The following CD8B2 variants were observed in gnomAD, a reference collection of about 807,000 sequenced individuals.
CD8B2 encodes the protein T-cell surface glycoprotein CD8 beta-2 chain.
A neutral mutation model predicts 23.7 loss-of-function variants in CD8B2; 11 were observed. The observed-to-expected ratio is 0.46, with a 90% CI of 0.29 to 0.77. The LOEUF (loss-of-function observed/expected upper bound fraction) is 0.77. Ranked by LOEUF, CD8B2 falls within the 30% of genes least tolerant of loss-of-function variation. CD8B2 has a pLI of 0.09. For missense variants in CD8B2, 197 were observed against 270.5 expected (o/e 0.73, Z 1.91); for synonymous variants, 90 against 109.3 (o/e 0.82, Z 1.10).
chr2:106,518,331 A>C (rs984637208), intron 5 of CD8B2, among the ~76,000 whole-genome samples: 1 of 152,200 alleles, frequency 6.6e-6, no homozygotes, highest in Non-Finnish European at 1.5e-5. Flanking sequence ...TGAGAATTGC[A>C]CAGTAGGTAG....
chr2:106,504,929 T>G (rs1679476714), intron 5 of CD8B2, among the ~76,000 whole-genome samples: 1 of 152,206 alleles, frequency 6.6e-6, no homozygotes, highest in South Asian at 2.1e-4. Flanking sequence ...GGAGCTGCCT[T>G]TGTCCCACCT....
chr2:106,528,784 A>T (rs1269215010), intron 5 of CD8B2, among the ~76,000 whole-genome samples: 1 of 152,192 alleles, frequency 6.6e-6, no homozygotes, highest in Non-Finnish European at 1.5e-5. Flanking sequence ...AGCATCTTGG[A>T]AGGCATTGGA....
intron 5 of CD8B2, among the ~76,000 whole-genome samples, chr2:106,525,633 C>T (rs1009864598): frequency 6.6e-6 from 1 of 152,132 alleles, no homozygotes; most frequent in African/African-American, 2.4e-5. Context: ...CTTTCCATCC[C>T]CTCCTCTCCC....
chr2:106,487,977 G>A (rs924355015), intron 1 of CD8B2, among the ~76,000 whole-genome samples: 1 of 152,142 alleles, frequency 6.6e-6, no homozygotes, highest in African/African-American at 2.4e-5. Context: ...CGTTCTCCCT[G>A]ATGTGGCTGG....
chr2:106,514,752 T>TCGTG (rs10654321), downstream of CD8B2, among the ~76,000 whole-genome samples: 1,172 of 145,496 alleles, frequency 8.1e-3, 9 homozygotes, highest in Non-Finnish European at 0.011. Flanking sequence ...GTTAAGACTT[T>TCGTG]TGTGTGTGTG....
Position 106,525,515 on chromosome 2 carries a change from C to A in CD8B2, c.621-18477C>A, listed in dbSNP as rs140895687. 2.2e-4 allele frequency among the ~76,000 whole-genome samples: 33 copies of A among 152,278 alleles called. 2 individuals are homozygous for A. The highest frequency in any genetic ancestry group is 7.2e-4 in the African/African-American group (30 of 41,560). Reference sequence around the variant, plus strand: ...TTTAAGCATTTTAAAGTGAACAGTTCATGGCATTTAGTGCAGTGATAGACT... The same window carrying A: ...TTTAAGCATTTTAAAGTGAACAGTTAATGGCATTTAGTGCAGTGATAGACT... On this transcript the variant is annotated intron_variant, in intron 5 of 5. Transcript: ENST00000416057.
chr2:106,502,741 A>G (rs1403118735), intron 4 of CD8B2, among the ~76,000 whole-genome samples, 178 bp downstream of exon 4: 1 of 152,018 alleles, frequency 6.6e-6, no homozygotes, highest in African/African-American at 2.4e-5. Flanking sequence ...AAAACCAAAG[A>G]CCACCCTGTC....
intron 5 of CD8B2, among the ~76,000 whole-genome samples, chr2:106,517,325 G>A (rs76336892): frequency 0.14 from 22,000 of 152,000 alleles, 1,879 homozygotes; most frequent in South Asian, 0.22. Flanking sequence ...TCAAGTTACA[G>A]ACTAAAGGCT....
chr2:106,523,311 G>A (rs1488835172), intron 5 of CD8B2, among the ~76,000 whole-genome samples: 1 of 152,104 alleles, frequency 6.6e-6, no homozygotes, highest in Admixed American at 6.5e-5. Context: ...TCCTCTTTGA[G>A]CCCCAAGTTT....
At chr2:106,534,122 G>A (rs969999649) in intron 5 of CD8B2, among the ~76,000 whole-genome samples, 1 of 152,248 alleles carries the variant, frequency 6.6e-6, no homozygotes, top group Non-Finnish European at 1.5e-5. Context: ...GGCCTGGGCA[G>A]TGGGTCTCCC....
intron 5 of CD8B2, among the ~76,000 whole-genome samples, chr2:106,541,871 A>C (rs1680179143): frequency 6.6e-6 from 1 of 152,198 alleles, no homozygotes. Context: ...AATCTGCCCT[A>C]TCTTGGCAGA....
At chr2:106,523,388 CA>C (rs377617745) in intron 5 of CD8B2, among the ~76,000 whole-genome samples, 92 of 152,268 alleles carry the variant, frequency 6.0e-4, no homozygotes, top group African/African-American at 2.1e-3. Context: ...CTTGCTCTAG[CA>C]GGGGGGGTCA....
intron 3 of CD8B2, among the ~76,000 whole-genome samples, chr2:106,497,780 C>T (rs1679327198): frequency 6.6e-6 from 1 of 152,074 alleles, no homozygotes; most frequent in Non-Finnish European, 1.5e-5. Flanking sequence ...TTACAAAGTC[C>T]CATGCCCTGA....
intron 5 of CD8B2, among the ~76,000 whole-genome samples, chr2:106,535,636 C>T (rs1352717663): frequency 6.6e-6 from 1 of 152,146 alleles, no homozygotes; most frequent in Non-Finnish European, 1.5e-5. Flanking sequence ...ATACATCTTA[C>T]CCAGTTGCAT....
At chr2:106,519,443 G>A (rs1193629863) in intron 5 of CD8B2, among the ~76,000 whole-genome samples, 2 of 152,334 alleles carry the variant, frequency 1.3e-5, no homozygotes, top group African/African-American at 2.4e-5. Context: ...CACTGAACCA[G>A]GCCCTGTATT....
In CD8B2 at chr2:106,490,908, T is replaced by C. The variant is rs1202935009; in HGVS notation, c.78T>C (p.Pro26=). The C allele has an allele frequency of 1.8e-5, 29 of 1,601,204 alleles. No homozygotes were observed. Among genetic ancestry groups the C allele is most frequent in the Non-Finnish European group, 2.2e-5 (26 of 1,173,758 alleles). The change falls in exon 2 of 6, where the codon CCT becomes CCC. Residue 26 remains proline, a synonymous_variant. Coordinates refer to ENST00000643224, the MANE Select transcript of CD8B2 (RefSeq NM_001349727.2). The part of the protein sequence containing the change: ...LHGNSVLQQT[P]AYIKVQTNKM... Reference sequence around the variant, plus strand: ...GCAACTCAGTCCTCCAGCAGACCCCTGCATACATAAAGGTGCAAACCAACA... The same window carrying C: ...GCAACTCAGTCCTCCAGCAGACCCCCGCATACATAAAGGTGCAAACCAACA...
At position 106,509,099 on chromosome 2, in the gene CD8B2, T is replaced by G. The variant is rs1440965108; in HGVS notation, c.*2159T>G. 1 of 152,026 alleles carries G rather than the reference T, an allele frequency of 6.6e-6. No individual in the cohort carries two copies. The highest frequency in any genetic ancestry group is 2.4e-5 in the African/African-American group (1 of 41,372). 9.4% of individuals were successfully genotyped at this position (152,026 alleles called of 1,614,324 possible). A position where few individuals can be genotyped will look rare whatever the true frequency, so the allele number is the denominator to read the frequency against. ...CAGGTGTTTTCCATTTGATCCAGCT[T>G]TGAGAAGTCAGCACAAATTGGCCTC... On this transcript the variant is annotated 3_prime_UTR_variant, in exon 6 of 6. Coordinates refer to ENST00000643224, the MANE Select transcript of CD8B2 (RefSeq NM_001349727.2).
intron 5 of CD8B2, among the ~76,000 whole-genome samples, chr2:106,530,099 C>T (rs548421822): frequency 3.3e-5 from 5 of 152,278 alleles, no homozygotes; most frequent in East Asian, 3.9e-4. Flanking sequence ...GCTCTGCTGC[C>T]GGTATGAGGA....
chr2:106,496,100 A>G, intron 2 of CD8B2, 73 bp from the exon 3 acceptor site: 1 of 1,549,006 alleles, frequency 6.5e-7, no homozygotes, highest in Non-Finnish European at 8.7e-7. Context: ...ACCCGGCCAT[A>G]AGACAAAGTT....
Sources: allele counts gnomAD v4.1 joint callset (sites outside exome capture counted in the v4.1 genomes callset), GRCh38; gene constraint gnomAD v4.1.1; transcripts MANE v1.5; gene names NCBI Gene and HGNC (gene_info 2026-07-23, HGNC 2026-07-21).